Variants in CYB5R3 observed in about 807,000 individuals in gnomAD.
CYB5R3 encodes cytochrome b5 reductase 3.
CYB5R3 carries 28 observed loss-of-function variants against 36.5 expected under a neutral mutation model. That is an observed-to-expected ratio of 0.77 (90% CI 0.57 to 1.05). CYB5R3 has a LOEUF of 1.05. Ranked by LOEUF, CYB5R3 falls within the 50% of genes least tolerant of loss-of-function variation. The pLI is 0.00. For synonymous variants in CYB5R3, 181 were observed against 159.8 expected (o/e 1.13, Z -1.00); for missense variants, 474 against 408.9 (o/e 1.16, Z -1.37).
At chr22:42,637,798 T>C (rs559951701) in intron 1 of CYB5R3, among the ~76,000 whole-genome samples, 83 of 152,274 alleles carry the variant, frequency 5.5e-4, no homozygotes, top group African/African-American at 1.9e-3. Context: ...GCAAAGCGAC[T>C]CACCCAGTCA....
At chr22:42,649,004 C>A (rs970247280) in intron 1 of CYB5R3, among the ~76,000 whole-genome samples, 1 of 152,204 alleles carries the variant, frequency 6.6e-6, no homozygotes, top group East Asian at 1.9e-4. Flanking sequence ...CAAGGCCCCA[C>A]GGCGGCCAGG....
chr22:42,644,629 T>G, intron 1 of CYB5R3: 1 of 1,446,364 alleles, frequency 6.9e-7, no homozygotes, highest in East Asian at 2.5e-5. Context: ...GGGCAAGTAC[T>G]ATTCCGAGGA....
At position 42,619,504 on chromosome 22, in the gene CYB5R3, A is replaced by C; in HGVS notation, c.*269T>G. 3 of 534,332 alleles carry C rather than the reference A, an allele frequency of 5.6e-6. No homozygotes were observed. Among genetic ancestry groups the C allele is most frequent in the Non-Finnish European group, 1.0e-5 (3 of 294,772 alleles). The allele number at this position is 534,332 out of a possible 1,614,324, so 33.1% of individuals were successfully genotyped here. On this transcript the variant is annotated 3_prime_UTR_variant, in exon 9 of 9. Coordinates refer to ENST00000352397, the MANE Select transcript of CYB5R3 (RefSeq NM_000398.7). ...GTGTGTGGGGGGTGGACGAGGGGTC[A>C]TGAGGACAGGGATGGGGCTGGGCGT...
intron 8 of CYB5R3, 103 bp downstream of exon 8, chr22:42,623,686 G>A (rs1928106960): frequency 1.1e-6 from 1 of 933,468 alleles, no homozygotes; most frequent in Non-Finnish European, 1.7e-6. Context: ...GCCATAGTGA[G>A]TGCCAGATGT....
intron 7 of CYB5R3, among the ~76,000 whole-genome samples, chr22:42,625,333 C>A (rs1018415048): frequency 9.2e-5 from 14 of 151,930 alleles, no homozygotes; most frequent in Non-Finnish European, 2.1e-4. Context: ...ATGGTGAAAC[C>A]CCGTCTCTAC....
intron 2 of CYB5R3, among the ~76,000 whole-genome samples, chr22:42,635,358 C>G (rs563273385): frequency 6.6e-6 from 1 of 152,112 alleles, no homozygotes; most frequent in African/African-American, 2.4e-5. Context: ...CCCTCCTCGG[C>G]CTCCCAAAGT....
chr22:42,622,511 C>T (rs566875057), intron 8 of CYB5R3, among the ~76,000 whole-genome samples: 6 of 152,270 alleles, frequency 3.9e-5, no homozygotes, highest in South Asian at 4.1e-4. Context: ...AGGCCGGACA[C>T]GGTGACAACC....
chr22:42,619,743 G>A lies in CYB5R3; in HGVS notation c.*30C>T. On this transcript the variant is annotated 3_prime_UTR_variant, in exon 9 of 9. Transcript: ENST00000352397. ...CGTGAACAGGGCGTGGGGTGCGCGG[G>A]GCGGGTGGCCGTGTGACCGTGCCCG... 6.5e-7 allele frequency: 1 copy of A among 1,545,210 alleles called. No homozygotes were observed. Among genetic ancestry groups the A allele is most frequent in the Non-Finnish European group, 8.7e-7 (1 of 1,148,570 alleles).
At chr22:42,631,693 A>G (rs1011029582) in intron 2 of CYB5R3, 3 of 581,350 alleles carry the variant, frequency 5.2e-6, no homozygotes, top group Admixed American at 2.9e-5. Context: ...GAGGGGCCAC[A>G]AACAAGGTGG....
rs1928824070 is a variant in CYB5R3, at chr22:42,635,090, C to A, written c.153+1625G>T. Among the ~76,000 whole-genome samples, 3 of 152,112 alleles carry A rather than the reference C, an allele frequency of 2.0e-5. No homozygotes were observed. In the South Asian group the frequency reaches 6.2e-4, roughly 32 times the overall value. On this transcript the variant is annotated intron_variant, in intron 2 of 8. Transcript: ENST00000352397. ...GTTCACGTCATTCTCCTGCCTCAGC[C>A]TCGCCAGCGGCTGGGACTACAGGTG...
intron 2 of CYB5R3, chr22:42,633,423 G>T (rs1928720463): frequency 6.6e-6 from 1 of 152,324 alleles, no homozygotes; most frequent in Non-Finnish European, 1.5e-5. Flanking sequence ...AATGGGGCAG[G>T]GGTGGAGGTC....
rs1390241198 is a variant in CYB5R3 at position 42,631,415 on chromosome 22, G to A, written c.189C>T (p.Ala63=). Residue 63 remains alanine (A), a synonymous_variant, in exon 3 of 9, where the codon GCC becomes GCT. Transcript: ENST00000352397. The part of the protein sequence containing the change: ...ISHDTRRFRF[A]LPSPQHILGL... Reference sequence around the variant, plus strand: ...CCAGGATGTGCTGGGGTGACGGCAGGGCAAAGCGGAAGCGCCGGGTGTCAT... The same window carrying A: ...CCAGGATGTGCTGGGGTGACGGCAGAGCAAAGCGGAAGCGCCGGGTGTCAT... 1 of 1,551,652 alleles carries A rather than the reference G, an allele frequency of 6.4e-7. No individual in the cohort carries two copies. The highest frequency in any genetic ancestry group is 8.7e-7 in the Non-Finnish European group (1 of 1,146,970).
chr22:42,643,436 G>C (rs1188266096), intron 1 of CYB5R3, among the ~76,000 whole-genome samples: 1 of 146,540 alleles, frequency 6.8e-6, no homozygotes, highest in Non-Finnish European at 1.5e-5. Context: ...CACCAGGCCT[G>C]GCCCCCGCCC....
intron 2 of CYB5R3, among the ~76,000 whole-genome samples, chr22:42,634,392 C>T (rs537557012): frequency 4.6e-5 from 7 of 152,038 alleles, no homozygotes; most frequent in African/African-American, 7.2e-5. Flanking sequence ...AAAATCATAT[C>T]GCAAGGTTAA....
Position 42,631,448 on chromosome 22 carries a change from G to T in CYB5R3, c.156C>A (p.Ile52=), listed in dbSNP as rs1230627936. The stretch of plus-strand genomic sequence containing the variant: ...GGAAGCGCCGGGTGTCATGGCTGAT[G>T]ATCTGGAGAGAGGCCCAAAGCTGCT... The part of the protein sequence containing the change: ...KYPLRLIDRE[I]ISHDTRRFRF... The change falls in exon 3 of 9, where the codon ATC becomes ATA. Residue 52 remains isoleucine (I), a splice_region_variant and synonymous_variant. Coordinates refer to ENST00000352397, the MANE Select transcript of CYB5R3 (RefSeq NM_000398.7). The T allele has an allele frequency of 1.9e-6, 3 of 1,551,618 alleles. No homozygotes were observed. The highest frequency in any genetic ancestry group is 1.7e-4 in the Middle Eastern group (1 of 5,984).
chr22:42,639,843 C>CTTT (rs59947151), intron 1 of CYB5R3: 14,089 of 1,009,032 alleles, frequency 0.014, 37 homozygotes, highest in Non-Finnish European at 0.017. Context: ...GCTTGATTCA[C>CTTT]TTTTTTTTTT....
chr22:42,623,988 CCACACGCTT>C, intron 7 of CYB5R3, 100 bp from the exon 8 acceptor site: 1 of 1,037,374 alleles, frequency 9.6e-7, no homozygotes, highest in Non-Finnish European at 1.5e-6. Context: ...CGCCTGCGGG[CCACACGCTT>C]GCGGAGCTTT....
At chr22:42,628,394 G>T in intron 4 of CYB5R3, 113 bp from the exon 5 acceptor site, 1 of 1,386,556 alleles carries the variant, frequency 7.2e-7, no homozygotes, top group Non-Finnish European at 1.0e-6. Context: ...GCCCACACAT[G>T]GCCTTCTCCC....
At chr22:42,620,815 C>G (rs752475660) in intron 8 of CYB5R3, among the ~76,000 whole-genome samples, 1 of 152,216 alleles carries the variant, frequency 6.6e-6, no homozygotes, top group Non-Finnish European at 1.5e-5. Flanking sequence ...TCACTGACCA[C>G]ATTTCCCTTT....
Sources: allele counts gnomAD v4.1 joint callset (sites outside exome capture counted in the v4.1 genomes callset), GRCh38; gene constraint gnomAD v4.1.1; transcripts MANE v1.5; gene names NCBI Gene and HGNC (gene_info 2026-07-23, HGNC 2026-07-21).